Variants in NOL10 observed in about 807,000 individuals in gnomAD.
The protein encoded by NOL10 is nucleolar protein 10, also known as H_NH0074G24.1.
In NOL10, 58 loss-of-function variants were observed where a neutral mutation model predicts 103.5. The observed-to-expected ratio is 0.56, with a 90% CI of 0.45 to 0.70. The LOEUF is 0.70. Among genes scored for constraint, NOL10 ranks in the 30% least tolerant of loss-of-function variants. NOL10 has a pLI of 0.00. For synonymous variants in NOL10, 287 were observed against 282.5 expected (o/e 1.02, Z -0.16); for missense variants, 763 against 807.3 (o/e 0.95, Z 0.67).
At chr2:10,643,456 T>C (rs1678854121) in intron 13 of NOL10, among the ~76,000 whole-genome samples, 1 of 152,208 alleles carries the variant, frequency 6.6e-6, no homozygotes, top group South Asian at 2.1e-4. Flanking sequence ...GCCAACTTTA[T>C]ACTATGTGTT....
chr2:10,674,081 G>C (rs549982478), intron 4 of NOL10, among the ~76,000 whole-genome samples: 6 of 151,876 alleles, frequency 4.0e-5, no homozygotes, highest in Admixed American at 1.3e-4. Flanking sequence ...AGCCAGACAT[G>C]GTGGTGCATG....
rs1336199303 is a variant in NOL10 at position 10,587,058 on chromosome 2, T to C, written c.1844+1985A>G. Among the ~76,000 whole-genome samples, 133 of 41,298 alleles carry C rather than the reference T, an allele frequency of 3.2e-3. 23 individuals are homozygous for C. The Middle Eastern group carries it at 0.035, about 11-fold the overall frequency. 27.1% of individuals were successfully genotyped at this position (41,298 alleles called of 152,430 possible). A position where few individuals can be genotyped will look rare whatever the true frequency, so the allele number is the denominator to read the frequency against. ...AAAGTTAAATGTATATATATATACATATATATATACATATATATACATATA... is the reference window on the plus strand; with the variant it reads ...AAAGTTAAATGTATATATATATACACATATATATACATATATATACATATA... On this transcript the variant is annotated intron_variant, in intron 19 of 20. Coordinates refer to ENST00000381685, the MANE Select transcript of NOL10 (RefSeq NM_024894.4).
At chr2:10,582,852 C>T (rs139810765) in intron 19 of NOL10, among the ~76,000 whole-genome samples, 1 of 152,324 alleles carries the variant, frequency 6.6e-6, no homozygotes, top group East Asian at 1.9e-4. Context: ...AGTCTATAAA[C>T]CGCTTTCCAT....
intron 13 of NOL10, among the ~76,000 whole-genome samples, chr2:10,638,491 T>TTTTTTC (rs1678462862): frequency 8.1e-6 from 1 of 123,542 alleles, no homozygotes; most frequent in East Asian, 2.4e-4. Flanking sequence ...CCCTTTTTTT[T>TTTTTTC]TTTTTTTTTT....
chr2:10,669,325 G>A (rs886689059), intron 6 of NOL10, among the ~76,000 whole-genome samples: 9 of 151,054 alleles, frequency 6.0e-5, no homozygotes, highest in African/African-American at 2.2e-4. Flanking sequence ...CCTGACCTCA[G>A]GTGATCTGCC....
chr2:10,669,103 T>G (rs1030142132), intron 6 of NOL10, among the ~76,000 whole-genome samples: 10 of 152,080 alleles, frequency 6.6e-5, no homozygotes, highest in South Asian at 2.1e-4. Context: ...TTTGTTTTTT[T>G]GTTTTTGATA....
rs1479986060 is a variant in NOL10 at position 10,587,160 on chromosome 2, CATATATACACAT to C, written c.1844+1871_1844+1882del. ...ATACACATATATATACATATATACA[CATATATACACAT>C]ATATATACACATATATATACACATA... On this transcript the variant is annotated intron_variant, in intron 19 of 20. Transcript: ENST00000381685. Among the ~76,000 whole-genome samples, 19 of 22,684 alleles carry C rather than the reference CATATATACACAT, an allele frequency of 8.4e-4. 3 individuals carry two copies. Among genetic ancestry groups the C allele is most frequent in the South Asian group, 7.2e-3 (8 of 1,110 alleles). 14.9% of individuals were successfully genotyped at this position (22,684 alleles called of 152,430 possible).
intron 6 of NOL10, among the ~76,000 whole-genome samples, chr2:10,669,440 T>C (rs1271096567): frequency 1.4e-5 from 2 of 145,674 alleles, no homozygotes; most frequent in African/African-American, 2.5e-5. Flanking sequence ...GGTATGTATT[T>C]GTATATATAT....
intron 13 of NOL10, among the ~76,000 whole-genome samples, chr2:10,619,671 T>A (rs879838507): frequency 6.6e-6 from 1 of 152,190 alleles, no homozygotes; most frequent in Non-Finnish European, 1.5e-5. Context: ...GACATTTTTC[T>A]TCAATTCTCA....
In NOL10 at chr2:10,570,968, G is replaced by C. The variant is rs894941372; in HGVS notation, c.*1103C>G. ...TGGGACCAGAAGTCTTTTAGACTTT[G>C]GTTTTTTTGTGTGTTTTGGAATATC... On this transcript the variant is annotated 3_prime_UTR_variant, in exon 21 of 21. Transcript: ENST00000381685. 7 of 151,950 alleles carry C rather than the reference G, an allele frequency of 4.6e-5. No individual in the cohort carries two copies. Among genetic ancestry groups the C allele is most frequent in the African/African-American group, 1.2e-4 (5 of 41,368 alleles). 9.4% of individuals were successfully genotyped at this position (151,950 alleles called of 1,614,324 possible).
intron 3 of NOL10, among the ~76,000 whole-genome samples, chr2:10,680,090 C>T (rs2148359553): frequency 6.6e-6 from 1 of 152,070 alleles, no homozygotes; most frequent in South Asian, 2.1e-4. Context: ...GCCTGGCCAA[C>T]ATGGTGAAAC....
chr2:10,670,106 T>C (rs1015048621), intron 6 of NOL10, among the ~76,000 whole-genome samples: 8 of 152,036 alleles, frequency 5.3e-5, no homozygotes, highest in Non-Finnish European at 1.0e-4. Flanking sequence ...TGAAATACTG[T>C]GCAATAGGGC....
chr2:10,579,780 A>C (rs1257455369), intron 19 of NOL10, among the ~76,000 whole-genome samples: 1 of 152,024 alleles, frequency 6.6e-6, no homozygotes. Context: ...ACTTGCTTTC[A>C]CTTAAAAAAA....
At chr2:10,654,608 C>G (rs1679702150) in intron 11 of NOL10, 61 bp from the exon 12 acceptor site, 1 of 992,446 alleles carries the variant, frequency 1.0e-6, no homozygotes, top group African/African-American at 1.6e-5. Context: ...TTGGCAATGT[C>G]AAACTGAAGC....
At position 10,684,668 on chromosome 2, in the gene NOL10, G is replaced by A. The variant is rs866217781; in HGVS notation, c.67-56C>T. On this transcript the variant is annotated intron_variant, in intron 1 of 20. Coordinates refer to ENST00000381685, the MANE Select transcript of NOL10 (RefSeq NM_024894.4). ...AACAAATTTAGCTAAATTGTTTTTC[G>A]GCTTGCAAAATCAATACATGCTTAT... 36 of 1,395,456 alleles carry A rather than the reference G, an allele frequency of 2.6e-5. No individual in the cohort carries two copies. The Middle Eastern group carries it at 7.3e-4, about 28-fold the overall frequency. The allele number at this position is 1,395,456 out of a possible 1,614,324, so 86.4% of individuals were successfully genotyped here.
At chr2:10,617,900 A>G (rs1030566438) in intron 13 of NOL10, among the ~76,000 whole-genome samples, 2 of 152,214 alleles carry the variant, frequency 1.3e-5, no homozygotes, top group Non-Finnish European at 2.9e-5. Flanking sequence ...CATAGACAGA[A>G]AGTAGGTGAG....
At chr2:10,654,989 G>A (rs1045667964) in intron 11 of NOL10, among the ~76,000 whole-genome samples, 1 of 151,868 alleles carries the variant, frequency 6.6e-6, no homozygotes, top group Admixed American at 6.6e-5. Context: ...GCGTGGAGAT[G>A]ACTTGAGGTC....
intron 1 of NOL10, among the ~76,000 whole-genome samples, chr2:10,686,100 C>T (rs1008181515): frequency 2.6e-5 from 4 of 151,984 alleles, no homozygotes; most frequent in Non-Finnish European, 4.4e-5. Context: ...CCCCTCCTTT[C>T]ATGAAGCTTT....
intron 12 of NOL10, among the ~76,000 whole-genome samples, chr2:10,648,060 G>A (rs762915277): frequency 3.3e-5 from 5 of 152,124 alleles, no homozygotes; most frequent in African/African-American, 7.2e-5. Flanking sequence ...TCATAGAGCC[G>A]TGCTGTCTCT....
Sources: allele counts gnomAD v4.1 joint callset (sites outside exome capture counted in the v4.1 genomes callset), GRCh38; gene constraint gnomAD v4.1.1; transcripts MANE v1.5; gene names NCBI Gene and HGNC (gene_info 2026-07-23, HGNC 2026-07-21).